NTRK2: variants seen among roughly 807,000 people sequenced by gnomAD.
The protein encoded by NTRK2 is BDNF/NT-3 growth factors receptor.
In NTRK2, 13 loss-of-function variants were observed where a neutral mutation model predicts 94.5. That is an observed-to-expected ratio of 0.14 (90% CI 0.09 to 0.22). The LOEUF (loss-of-function observed/expected upper bound fraction) is 0.22, where lower values mean the gene tolerates loss of function less well. Ranked by LOEUF, NTRK2 falls within the 10% of genes least tolerant of loss-of-function variation. NTRK2 has a pLI of 1.00. For missense variants in NTRK2, 639 were observed against 1,071.2 expected, an observed-to-expected ratio of 0.60 and a Z score of 5.63; for synonymous variants, 372 against 407.4, an observed-to-expected ratio of 0.91 and a Z score of 1.05.
At chr9:84,722,451 G>C (rs1201539521) in intron 6 of NTRK2, among the ~76,000 whole-genome samples, 1 of 152,162 alleles carries the variant, frequency 6.6e-6, no homozygotes, top group Non-Finnish European at 1.5e-5. Flanking sequence ...GATATTGCCA[G>C]GTGGGTGGGT....
intron 14 of NTRK2, among the ~76,000 whole-genome samples, chr9:84,882,000 T>C (rs2076267931): frequency 6.6e-6 from 1 of 152,236 alleles, no homozygotes; most frequent in Non-Finnish European, 1.5e-5. Flanking sequence ...TTCTTGTTAC[T>C]TTAATCACAC....
chr9:85,000,178 C>A (rs746546483), intron 17 of NTRK2, among the ~76,000 whole-genome samples: 1 of 152,126 alleles, frequency 6.6e-6, no homozygotes, highest in East Asian at 1.9e-4. Context: ...GTACAGCCTC[C>A]CCCACTGTTA....
chr9:84,872,057 C>G (rs2075885126), intron 14 of NTRK2: 1 of 1,391,144 alleles, frequency 7.2e-7, no homozygotes. Flanking sequence ...AGACCCATCT[C>G]CTCGATCAAT....
At chr9:84,709,577 C>T (rs2061307286) in intron 5 of NTRK2, among the ~76,000 whole-genome samples, 1 of 152,086 alleles carries the variant, frequency 6.6e-6, no homozygotes, top group South Asian at 2.1e-4. Flanking sequence ...TCCAGGGATC[C>T]CTGAGATTCT....
At chr9:84,677,514 A>T (rs573857388) in intron 2 of NTRK2, among the ~76,000 whole-genome samples, 1 of 152,244 alleles carries the variant, frequency 6.6e-6, no homozygotes, top group Admixed American at 6.5e-5. Flanking sequence ...CCCTTTACAG[A>T]CATCTGCTTA....
intron 12 of NTRK2, among the ~76,000 whole-genome samples, chr9:84,766,624 T>C (rs2066050811): frequency 6.6e-6 from 1 of 151,774 alleles, no homozygotes; most frequent in Admixed American, 6.6e-5. Context: ...ATCAGCTTCA[T>C]TTTGAGAGGA....
chr9:84,737,010 C>G (rs1016760064), intron 9 of NTRK2, among the ~76,000 whole-genome samples: 1 of 152,190 alleles, frequency 6.6e-6, no homozygotes, highest in African/African-American at 2.4e-5. Flanking sequence ...TAGAACAAAT[C>G]TTTTGTAATT....
At chr9:84,827,717 G>T (rs1441850552) in intron 12 of NTRK2, among the ~76,000 whole-genome samples, 1 of 151,892 alleles carries the variant, frequency 6.6e-6, no homozygotes, top group African/African-American at 2.4e-5. Context: ...CATTTTTCCT[G>T]ACTTCATTGC....
chr9:84,745,806 G>T (rs1358222126), intron 11 of NTRK2, among the ~76,000 whole-genome samples: 1 of 152,150 alleles, frequency 6.6e-6, no homozygotes, highest in East Asian at 1.9e-4. Context: ...GGACAGCAGG[G>T]TTGGAGATAA....
intron 17 of NTRK2, among the ~76,000 whole-genome samples, chr9:84,989,794 A>G (rs1385134518): frequency 6.6e-6 from 1 of 152,226 alleles, no homozygotes; most frequent in Non-Finnish European, 1.5e-5. Context: ...GTCTTCTTTA[A>G]AAGTAAAACC....
Position 84,813,855 on chromosome 9 carries a change from G to A in NTRK2, c.1397-47185G>A, listed in dbSNP as rs201709995. 6.6e-6 allele frequency: 7 copies of A among 1,065,664 alleles called. No homozygotes were observed. In the South Asian group the frequency reaches 2.3e-4, roughly 35 times the overall value. 66.0% of individuals were successfully genotyped at this position (1,065,664 alleles called of 1,614,324 possible). A position where few individuals can be genotyped will look rare whatever the true frequency, so the allele number is the denominator to read the frequency against. On this transcript the variant is annotated intron_variant, in intron 12 of 18. Coordinates refer to ENST00000277120, the MANE Select transcript of NTRK2 (RefSeq NM_006180.6). ...CATTTTCATGGGTGCCCTTAATGTGGTCCACGTCCTATATCTTATTATATT... is the reference window on the plus strand; with the variant it reads ...CATTTTCATGGGTGCCCTTAATGTGATCCACGTCCTATATCTTATTATATT...
chr9:84,874,825 T>C (rs200005645), intron 14 of NTRK2: 3 of 1,057,848 alleles, frequency 2.8e-6, no homozygotes, highest in Non-Finnish European at 3.4e-6. Context: ...GTTCCTGTTA[T>C]GTGAAACTTT....
At chr9:84,898,981 G>A (rs554187076) in intron 14 of NTRK2, among the ~76,000 whole-genome samples, 147 of 152,224 alleles carry the variant, frequency 9.7e-4, no homozygotes, top group African/African-American at 2.2e-3. Context: ...GATTACAGGC[G>A]TCTTCAGTTT....
At chr9:84,799,064 C>A (rs2070045410) in intron 12 of NTRK2, among the ~76,000 whole-genome samples, 1 of 151,820 alleles carries the variant, frequency 6.6e-6, no homozygotes. Context: ...CCTTCAGGGC[C>A]CATTCTTTCA....
intron 14 of NTRK2, among the ~76,000 whole-genome samples, chr9:84,894,154 T>A (rs62562456): frequency 1.0e-4 from 15 of 150,466 alleles, no homozygotes; most frequent in African/African-American, 3.4e-4. Flanking sequence ...TGGGTGTTAC[T>A]TGACTATTTG....
At chr9:84,825,021 C>G (rs1005337150) in intron 12 of NTRK2, among the ~76,000 whole-genome samples, 1 of 151,094 alleles carries the variant, frequency 6.6e-6, no homozygotes, top group East Asian at 2.0e-4. Flanking sequence ...GAGTTCATCA[C>G]GTGTTCCCAG....
At chr9:84,914,450 T>C (rs959736948) in intron 14 of NTRK2, among the ~76,000 whole-genome samples, 4 of 152,200 alleles carry the variant, frequency 2.6e-5, no homozygotes, top group Non-Finnish European at 5.9e-5. Context: ...TTCTATGCTA[T>C]TTAAACCTTC....
intron 12 of NTRK2, among the ~76,000 whole-genome samples, chr9:84,825,483 A>T (rs952483843): frequency 6.6e-6 from 1 of 151,818 alleles, no homozygotes; most frequent in African/African-American, 2.4e-5. Context: ...TCCTCCCACC[A>T]CCCTCAACTT....
At chr9:84,803,675 C>A (rs1042649709) in intron 12 of NTRK2, among the ~76,000 whole-genome samples, 1 of 152,210 alleles carries the variant, frequency 6.6e-6, no homozygotes, top group South Asian at 2.1e-4. Flanking sequence ...TGTTGGCCTA[C>A]CTTCCAAGAA....
Sources: allele counts gnomAD v4.1 joint callset (sites outside exome capture counted in the v4.1 genomes callset), GRCh38; gene constraint gnomAD v4.1.1; transcripts MANE v1.5; gene names NCBI Gene and HGNC (gene_info 2026-07-23, HGNC 2026-07-21).